Variants in REC114 observed in about 807,000 individuals in gnomAD.
The protein encoded by REC114 is meiotic recombination protein REC114.
In REC114, 27 loss-of-function variants were observed where a neutral mutation model predicts 31.3. The observed-to-expected ratio is 0.86, with a 90% CI of 0.64 to 1.19. The LOEUF (loss-of-function observed/expected upper bound fraction) is 1.19, where lower values mean the gene tolerates loss of function less well. Among genes scored for constraint, REC114 ranks in the 50% most tolerant of loss-of-function variants. REC114 has a pLI of 0.00. For synonymous variants in REC114, 134 were observed against 127.7 expected (o/e 1.05, Z -0.33); for missense variants, 344 against 326.9 (o/e 1.05, Z -0.40).
intron 1 of REC114, among the ~76,000 whole-genome samples, chr15:73,453,717 C>T (rs1021692314): frequency 6.6e-6 from 1 of 152,274 alleles, no homozygotes; most frequent in Admixed American, 6.5e-5. Context: ...TTGGAACCAA[C>T]CCAAATGCCC....
chr15:73,457,902 A>G (rs1368384980), intron 1 of REC114, among the ~76,000 whole-genome samples: 1 of 152,220 alleles, frequency 6.6e-6, no homozygotes, highest in Non-Finnish European at 1.5e-5. Flanking sequence ...TGCTTCACAC[A>G]GTCTTAAAAT....
chr15:73,509,334 GAT>G (rs1315246500), intron 2 of REC114, among the ~76,000 whole-genome samples: 1 of 148,232 alleles, frequency 6.7e-6, no homozygotes, highest in African/African-American at 2.6e-5. Context: ...GTAGATTCTG[GAT>G]ATTAGCCCTT....
At chr15:73,516,538 G>A (rs945879191) in intron 2 of REC114, among the ~76,000 whole-genome samples, 3 of 152,188 alleles carry the variant, frequency 2.0e-5, no homozygotes, top group Admixed American at 6.5e-5. Flanking sequence ...ATTGAGATAA[G>A]TCTGCAGAAC....
intron 2 of REC114, chr15:73,483,650 C>T (rs1265624365): frequency 1.3e-5 from 2 of 152,310 alleles, no homozygotes; most frequent in Non-Finnish European, 2.9e-5. Context: ...TATTTAGCTT[C>T]TCCTTTTGGT....
chr15:73,535,186 TAGTC>T (rs1894137637), intron 2 of REC114, among the ~76,000 whole-genome samples: 2 of 147,396 alleles, frequency 1.4e-5, no homozygotes, highest in South Asian at 2.2e-4. Context: ...CCAGGGCAAT[TAGTC>T]AGGAGAAGGA....
intron 2 of REC114, among the ~76,000 whole-genome samples, chr15:73,508,194 A>AG (rs1893708525): frequency 6.6e-6 from 1 of 152,188 alleles, no homozygotes; most frequent in East Asian, 1.9e-4. Context: ...TTGTTGAATG[A>AG]ATAAATGAAT....
intron 1 of REC114, among the ~76,000 whole-genome samples, chr15:73,446,813 A>C (rs1444647585): frequency 1.3e-5 from 2 of 152,216 alleles, no homozygotes; most frequent in Non-Finnish European, 1.5e-5. Flanking sequence ...GAACATTATT[A>C]TAAATCCAGT....
intron 1 of REC114, among the ~76,000 whole-genome samples, chr15:73,448,765 G>A (rs1892802360): frequency 1.3e-5 from 2 of 152,128 alleles, no homozygotes; most frequent in Admixed American, 1.3e-4. Flanking sequence ...CTGGCATCTG[G>A]GGGGTGCCCC....
At chr15:73,465,811 A>G (rs1893048962) in intron 1 of REC114, among the ~76,000 whole-genome samples, 1 of 152,198 alleles carries the variant, frequency 6.6e-6, no homozygotes, top group Non-Finnish European at 1.5e-5. Context: ...AAAAAAATCC[A>G]CAACTATTTA....
intron 5 of REC114, 136 bp downstream of exon 5, chr15:73,556,527 A>G (rs1221922764): frequency 1.4e-6 from 1 of 734,942 alleles, no homozygotes; most frequent in Non-Finnish European, 2.2e-6. Flanking sequence ...AGAGACAGAG[A>G]CGGGCCATTT....
chr15:73,527,746 G>A (rs937577719), intron 2 of REC114, among the ~76,000 whole-genome samples: 1 of 152,108 alleles, frequency 6.6e-6, no homozygotes, highest in Non-Finnish European at 1.5e-5. Flanking sequence ...TTCAAACAGG[G>A]CTGCAAAACC....
intron 2 of REC114, among the ~76,000 whole-genome samples, chr15:73,501,699 T>A (rs531981299): frequency 1.3e-5 from 2 of 152,118 alleles, no homozygotes; most frequent in African/African-American, 4.8e-5. Flanking sequence ...CTCACCTCAG[T>A]CTCCCAAAGT....
At chr15:73,528,999 A>T (rs1451607157) in intron 2 of REC114, among the ~76,000 whole-genome samples, 1 of 152,226 alleles carries the variant, frequency 6.6e-6, no homozygotes, top group Non-Finnish European at 1.5e-5. Context: ...TTAAAAAACC[A>T]AGATCATCAG....
intron 2 of REC114, among the ~76,000 whole-genome samples, chr15:73,499,698 C>T (rs922265783): frequency 6.6e-6 from 1 of 152,118 alleles, no homozygotes; most frequent in African/African-American, 2.4e-5. Flanking sequence ...TAGAATAAAA[C>T]CAGGCTTTCT....
intron 3 of REC114, among the ~76,000 whole-genome samples, chr15:73,545,326 C>G (rs1894294369): frequency 6.6e-6 from 1 of 152,180 alleles, no homozygotes; most frequent in African/African-American, 2.4e-5. Flanking sequence ...GAGAACTTTT[C>G]ACTTCACAGC....
intron 2 of REC114, chr15:73,483,112 T>C (rs1893317707): frequency 6.6e-6 from 1 of 152,234 alleles, no homozygotes; most frequent in African/African-American, 2.4e-5. Flanking sequence ...AGATTGAGCG[T>C]CTTTTATGTA....
intron 1 of REC114, among the ~76,000 whole-genome samples, chr15:73,452,104 A>G (rs905557536): frequency 5.3e-5 from 8 of 152,310 alleles, no homozygotes; most frequent in African/African-American, 1.9e-4. Flanking sequence ...CACCACCCCT[A>G]TTCACCATAG....
In REC114 at chr15:73,495,829, C is replaced by T. The variant is rs1002428745; in HGVS notation, c.249+21908C>T. On this transcript the variant is annotated intron_variant, in intron 2 of 5. Transcript: ENST00000331090. ...GGAGAAAAATTGTTATTTTTTATAT[C>T]ACTAATCATTAATGAAAGGGAAATG... Among the ~76,000 whole-genome samples, 7 of 152,082 alleles carry T rather than the reference C, an allele frequency of 4.6e-5. No homozygotes were observed. In the East Asian group the frequency reaches 1.4e-3, roughly 29 times the overall value.
chr15:73,453,893 C>A (rs1019500838), intron 1 of REC114, among the ~76,000 whole-genome samples: 1 of 150,622 alleles, frequency 6.6e-6, no homozygotes, highest in Non-Finnish European at 1.5e-5. Flanking sequence ...ACTGCATGTT[C>A]TCACTAATAA....
Sources: gnomAD v4.1 joint callset for allele counts (sites outside exome capture counted in the v4.1 genomes callset) on GRCh38, gnomAD v4.1.1 for gene constraint, MANE v1.5 for transcripts, NCBI Gene and HGNC (gene_info 2026-07-23, HGNC 2026-07-21) for gene names.